The following SNRPA1 variants were observed in gnomAD, a reference collection of about 807,000 sequenced individuals.
SNRPA1 encodes the protein U2 small nuclear ribonucleoprotein A'.
A neutral mutation model predicts 32.3 loss-of-function variants in SNRPA1; 5 were observed. That is an observed-to-expected ratio of 0.15 (90% CI 0.08 to 0.33). The LOEUF (loss-of-function observed/expected upper bound fraction) is 0.33, where lower values mean the gene tolerates loss of function less well. Ranked by LOEUF, SNRPA1 falls within the 10% of genes least tolerant of loss-of-function variation. SNRPA1 has a pLI of 1.00. For synonymous variants in SNRPA1, 111 were observed against 120.1 expected, an observed-to-expected ratio of 0.92 and a Z score of 0.50; for missense variants, 198 against 311.1, an observed-to-expected ratio of 0.64 and a Z score of 2.74.
At chr15:101,284,934 A>C (rs1171071115) in intron 8 of SNRPA1, 33 bp downstream of exon 8, 5 of 1,518,006 alleles carry the variant, frequency 3.3e-6, no homozygotes, top group Non-Finnish European at 4.6e-6. Context: ...GTGTAACATT[A>C]ATTTGAACAT....
rs2039440044 is a variant in SNRPA1 at position 101,285,055 on chromosome 15, G to C, written c.621C>G (p.Ala207=). 1 of 1,613,100 alleles carries C rather than the reference G, an allele frequency of 6.2e-7. No individual in the cohort carries two copies. Among genetic ancestry groups the C allele is most frequent in the Non-Finnish European group, 8.5e-7 (1 of 1,179,302 alleles). The change falls in exon 8 of 9, where the codon GCC becomes GCG. Residue 207 remains alanine (A), a synonymous_variant. Transcript: ENST00000254193. ...SPGDVEAIKN[A]IANASTLAEV... ...CAGCCAGAGTTGAAGCATTTGCTAT[G>C]GCATTCTGGAGGACAGAGGGCAATG...
At chr15:101,285,920 C>T in intron 6 of SNRPA1, 119 bp from the exon 7 acceptor site, 2 of 732,308 alleles carry the variant, frequency 2.7e-6, no homozygotes, top group Admixed American at 2.5e-5. Flanking sequence ...TGTTAACAAA[C>T]TGATACAAGA....
chr15:101,285,198 A>G, intron 7 of SNRPA1, 138 bp from the exon 8 acceptor site: 1 of 600,386 alleles, frequency 1.7e-6, no homozygotes, highest in East Asian at 2.9e-5. Flanking sequence ...GTGTAGGGGG[A>G]AGAATGTTAT....
intron 3 of SNRPA1, among the ~76,000 whole-genome samples, chr15:101,290,123 TAA>T (rs1365500489): frequency 6.6e-6 from 1 of 152,000 alleles, no homozygotes; most frequent in African/African-American, 2.4e-5. Context: ...CACAACATAA[TAA>T]AAAGTTTCCG....
intron 1 of SNRPA1, among the ~76,000 whole-genome samples, chr15:101,293,957 G>T (rs1399719568): frequency 6.6e-6 from 1 of 152,224 alleles, no homozygotes; most frequent in African/African-American, 2.4e-5. Context: ...AGTTGGGCCG[G>T]GCGCAGTGGC....
At chr15:101,283,349 C>A (rs2039417866) in intron 8 of SNRPA1, among the ~76,000 whole-genome samples, 1 of 151,064 alleles carries the variant, frequency 6.6e-6, no homozygotes, top group African/African-American at 2.4e-5. Context: ...GAGATCGAGA[C>A]CATCCTGGCT....
chr15:101,287,853 G>A (rs1567125256), intron 3 of SNRPA1, 151 bp from the exon 4 acceptor site: 7 of 653,126 alleles, frequency 1.1e-5, no homozygotes, highest in Non-Finnish European at 1.9e-5. Flanking sequence ...CATCACAAAT[G>A]TTTAAATAAT....
At chr15:101,287,611 T>A (rs1392974058) in intron 4 of SNRPA1, 45 bp downstream of exon 4, 2 of 1,537,746 alleles carry the variant, frequency 1.3e-6, no homozygotes, top group Non-Finnish European at 1.8e-6. Context: ...AAAAGTAATG[T>A]TATTTTAAAG....
chr15:101,284,281 T>G (rs919985064), intron 8 of SNRPA1, among the ~76,000 whole-genome samples: 3 of 152,220 alleles, frequency 2.0e-5, no homozygotes, highest in African/African-American at 7.2e-5. Context: ...AAGAAACTTG[T>G]CCAAAGGCAG....
At chr15:101,290,362 A>G (rs1409912147) in intron 3 of SNRPA1, among the ~76,000 whole-genome samples, 3 of 152,208 alleles carry the variant, frequency 2.0e-5, no homozygotes, top group African/African-American at 4.8e-5. Flanking sequence ...CATGAGACAC[A>G]TTGCCTATAA....
chr15:101,295,082 C>T lies in SNRPA1; in HGVS notation c.82+15G>A, dbSNP rs1387997029. ...GTGCCGCCTGGGGACTGGCCGCCCA[C>T]GCCCCCGGACTCACCCCGGAGGTCC... On this transcript the variant is annotated intron_variant, in intron 1 of 8. Coordinates refer to ENST00000254193, the MANE Select transcript of SNRPA1 (RefSeq NM_003090.4). The T allele has an allele frequency of 2.1e-6, 3 of 1,454,770 alleles. No homozygotes were observed. The South Asian group carries it at 3.9e-5, about 19-fold the overall frequency. The allele number at this position is 1,454,770 out of a possible 1,614,324, so 90.1% of individuals were successfully genotyped here. A position where few individuals can be genotyped will look rare whatever the true frequency, so the allele number is the denominator to read the frequency against.
At chr15:101,295,061 C>T (rs919004126) in intron 1 of SNRPA1, 36 bp downstream of exon 1, 2 of 1,351,020 alleles carry the variant, frequency 1.5e-6, no homozygotes, top group Non-Finnish European at 2.0e-6. Context: ...GGCTCGGTGC[C>T]GCCTGGGGAC....
intron 1 of SNRPA1, chr15:101,294,846 A>T (rs765324148): frequency 1.1e-4 from 43 of 405,446 alleles, no homozygotes; most frequent in Admixed American, 2.7e-4. Context: ...ACGAGGACGC[A>T]CCAGGAAGTA....
chr15:101,292,845 CAT>C (rs960269532), intron 2 of SNRPA1, 178 bp downstream of exon 2: 1 of 402,456 alleles, frequency 2.5e-6, no homozygotes, highest in African/African-American at 2.1e-5. Context: ...TAAGAAAAAA[CAT>C]GTATTGAATG....
chr15:101,292,672 ATTGT>A (rs1451288266), intron 2 of SNRPA1, among the ~76,000 whole-genome samples: 22 of 152,102 alleles, frequency 1.4e-4, no homozygotes, highest in Admixed American at 3.9e-4. Flanking sequence ...CCCTTTGATA[ATTGT>A]TTTAGAAGCC....
chr15:101,283,381 C>A (rs561927484), intron 8 of SNRPA1, among the ~76,000 whole-genome samples: 131 of 149,160 alleles, frequency 8.8e-4, no homozygotes, highest in Admixed American at 2.3e-3. Flanking sequence ...TTAGTAGAAA[C>A]CCTGTCTCTA....
intron 3 of SNRPA1, 98 bp downstream of exon 3, chr15:101,291,864 T>C: frequency 1.4e-6 from 1 of 717,642 alleles, no homozygotes; most frequent in Non-Finnish European, 2.4e-6. Context: ...AGAAAGAGGA[T>C]ACTGAGATCA....
At position 101,283,932 on chromosome 15, in the gene SNRPA1, C is replaced by T. The variant is rs1424517299; in HGVS notation, c.709+1035G>A. Among the ~76,000 whole-genome samples, 4 of 152,262 alleles carry T rather than the reference C, an allele frequency of 2.6e-5. No individual in the cohort carries two copies. In the South Asian group the frequency reaches 8.3e-4, roughly 31 times the overall value. On this transcript the variant is annotated intron_variant, in intron 8 of 8. Coordinates refer to ENST00000254193, the MANE Select transcript of SNRPA1 (RefSeq NM_003090.4). Reference sequence around the variant, plus strand: ...TCCAGCCTGGGCAAAAAGAGCAAAACTCCGACTCAAAAAGGAAAAAAATGT... The same window carrying T: ...TCCAGCCTGGGCAAAAAGAGCAAAATTCCGACTCAAAAAGGAAAAAAATGT...
chr15:101,287,818 T>C (rs1240956790), intron 3 of SNRPA1, 116 bp from the exon 4 acceptor site: 8 of 858,480 alleles, frequency 9.3e-6, no homozygotes, highest in Non-Finnish European at 1.5e-5. Flanking sequence ...ATTTTTACTC[T>C]CTAGCAACAA....
Sources: gnomAD v4.1 joint callset for allele counts (sites outside exome capture counted in the v4.1 genomes callset) on GRCh38, gnomAD v4.1.1 for gene constraint, MANE v1.5 for transcripts, NCBI Gene and HGNC (gene_info 2026-07-23, HGNC 2026-07-21) for gene names.